POGZ: variants seen among roughly 807,000 people sequenced by gnomAD.
POGZ encodes the protein pogo transposable element with ZNF domain.
Under a neutral mutation model 134.6 loss-of-function variants are expected in POGZ, and 17 were observed. The ratio of observed to expected loss-of-function variants is 0.13; its 90% confidence interval spans 0.09 to 0.19. The LOEUF is 0.19. Ranked by LOEUF, POGZ falls within the 10% of genes least tolerant of loss-of-function variation. The pLI, the probability that POGZ is intolerant of heterozygous loss-of-function variation, is 1.00. For synonymous variants in POGZ, 693 were observed against 657.1 expected, an observed-to-expected ratio of 1.05 and a Z score of -0.84; for missense variants, 1,306 against 1,769.7, an observed-to-expected ratio of 0.74 and a Z score of 4.70.
rs548226228 is a variant in POGZ, at chr1:151,406,914, G to A, written c.2542C>T (p.Arg848Trp). The change falls in exon 17 of 19, where the codon CGG (arginine) becomes TGG (tryptophan). Residue 848 changes from arginine to tryptophan, a missense_variant. Physicochemically the swap from Arg to Trp is moderately radical, Grantham distance 101. Transcript: ENST00000271715. ...AATCCCCTTCTCTCCTACTTACCCCGTGGCAGGATGCTGCTGGATCTGTGA... is the reference window on the plus strand; with the variant it reads ...AATCCCCTTCTCTCCTACTTACCCCATGGCAGGATGCTGCTGGATCTGTGA... Reference protein sequence around the residue: ...PSHRSSSILPRGLTWIAHSRH... With the variant: ...PSHRSSSILPWGLTWIAHSRH... 2.0e-5 allele frequency: 32 copies of A among 1,609,926 alleles called. No homozygotes were observed. Among genetic ancestry groups the A allele is most frequent in the African/African-American group, 1.2e-4 (9 of 74,896 alleles).
chr1:151,455,905 T>TC (rs1436147238), intron 1 of POGZ, among the ~76,000 whole-genome samples: 4 of 150,406 alleles, frequency 2.7e-5, no homozygotes, highest in African/African-American at 9.8e-5. Context: ...TTTTTTTTTT[T>TC]TTTTTTTTTT....
intron 1 of POGZ, among the ~76,000 whole-genome samples, chr1:151,455,441 A>C (rs1007594158): frequency 2.0e-5 from 3 of 152,330 alleles, no homozygotes; most frequent in Admixed American, 2.0e-4. Context: ...CAAGGGAGTT[A>C]GATTTGAATG....
intron 3 of POGZ, among the ~76,000 whole-genome samples, chr1:151,433,427 G>A (rs1340113038): frequency 1.3e-5 from 2 of 151,796 alleles, no homozygotes; most frequent in African/African-American, 4.8e-5. Flanking sequence ...GACCAACACG[G>A]AGAAATCCCG....
rs1654041260 is a variant in POGZ, at chr1:151,408,313, A to G, written c.2235-73T>C. 2.5e-6 allele frequency: 4 copies of G among 1,579,334 alleles called. No homozygotes were observed. The African/African-American group carries it at 4.1e-5, about 16-fold the overall frequency. On this transcript the variant is annotated intron_variant, in intron 14 of 18. Transcript: ENST00000271715. ...CCAAAATGTAGGATTTTCAGACAAC[A>G]AACCCTGCTAAAAAGCTACCAGATT...
chr1:151,418,670 AG>A (rs1409129564), intron 10 of POGZ, among the ~76,000 whole-genome samples: 2 of 152,216 alleles, frequency 1.3e-5, no homozygotes, highest in African/African-American at 4.8e-5. Context: ...AATGTATATT[AG>A]ATTATCACAT....
chr1:151,404,544 A>G lies in POGZ; in HGVS notation c.*258T>C, dbSNP rs913107874. 21 of 1,155,850 alleles carry G rather than the reference A, an allele frequency of 1.8e-5. No homozygotes were observed. Among genetic ancestry groups the G allele is most frequent in the Non-Finnish European group, 2.2e-5 (21 of 939,232 alleles). The allele number at this position is 1,155,850 out of a possible 1,614,324, so 71.6% of individuals were successfully genotyped here. On this transcript the variant is annotated 3_prime_UTR_variant, in exon 19 of 19. Transcript: ENST00000271715. ...AGTGATTTAAATTTAAAAAAAAAAAAAGTCACAAAAACCTGTTTTTAGCAG... is the reference window on the plus strand; with the variant it reads ...AGTGATTTAAATTTAAAAAAAAAAAGAGTCACAAAAACCTGTTTTTAGCAG...
At chr1:151,426,301 C>G (rs1208774909) in intron 7 of POGZ, 1 of 151,700 alleles carries the variant, frequency 6.6e-6, no homozygotes, top group Non-Finnish European at 1.5e-5. Context: ...ATTCTTGTGT[C>G]TCAGCCTCCC....
At chr1:151,427,366 C>G (rs1428677635) in intron 7 of POGZ, 1 of 164,028 alleles carries the variant, frequency 6.1e-6, no homozygotes. Context: ...CACAACAGCA[C>G]AGTTAATAGC....
At position 151,403,462 on chromosome 1, in the gene POGZ, T is replaced by C; in HGVS notation, c.*1340A>G. On this transcript the variant is annotated 3_prime_UTR_variant, in exon 19 of 19. Transcript: ENST00000271715. ...TCCTTGGCTCACAGGAGGGGAACATTGTGGAAAGCCTCAGGATAAACAGAA... is the reference window on the plus strand; with the variant it reads ...TCCTTGGCTCACAGGAGGGGAACATCGTGGAAAGCCTCAGGATAAACAGAA... 1 of 985,782 alleles carries C rather than the reference T, an allele frequency of 1.0e-6. No individual in the cohort carries two copies. Among genetic ancestry groups the C allele is most frequent in the East Asian group, 1.1e-4 (1 of 8,832 alleles). The allele number at this position is 985,782 out of a possible 1,614,324, so 61.1% of individuals were successfully genotyped here.
intron 12 of POGZ, among the ~76,000 whole-genome samples, chr1:151,409,448 C>A (rs1223659470): frequency 6.6e-6 from 1 of 152,064 alleles, no homozygotes. Flanking sequence ...GTTCATAGCT[C>A]ACTGCACGTC....
At chr1:151,422,858 T>A (rs1027654795) in intron 10 of POGZ, among the ~76,000 whole-genome samples, 1 of 152,136 alleles carries the variant, frequency 6.6e-6, no homozygotes, top group South Asian at 2.1e-4. Context: ...TCCCAAAGTG[T>A]TGGGATTACA....
chr1:151,450,589 G>C (rs1235478301), intron 1 of POGZ, among the ~76,000 whole-genome samples: 1 of 152,092 alleles, frequency 6.6e-6, no homozygotes, highest in Non-Finnish European at 1.5e-5. Flanking sequence ...CAGGACTCAA[G>C]TGATCTGCTT....
rs763802325 is a variant in POGZ at position 151,405,055 on chromosome 1, C to G, written c.3980G>C (p.Ser1327Thr). 6.2e-7 allele frequency: 1 copy of G among 1,614,198 alleles called. No homozygotes were observed. ...ELVQRSFLVA[S>T]VLPGPDGNIN... ...GTTGCCATCGGGGCCAGGCAGAACA[C>G]TAGCCACCAGGAAGGAGCGCTGAAC... Residue 1327 changes from serine (S) to threonine (T), a missense_variant, in exon 19 of 19, where the codon AGT becomes ACT. Ser to Thr is a moderately conservative substitution (Grantham distance 58, BLOSUM62 1). This residue lies in a region of POGZ where 107 missense variants were observed against 97.9 expected (regional missense o/e 1.09). Transcript: ENST00000271715. This position sits in a 1 kb window ranked among gnomAD's most constrained non-coding sequence, Gnocchi z 4.9.
rs149910946 is a variant in POGZ at position 151,443,437 on chromosome 1, C to T, written c.-1-1232G>A. On this transcript the variant is annotated intron_variant, in intron 1 of 18. Coordinates refer to ENST00000271715, the MANE Select transcript of POGZ (RefSeq NM_015100.4). ...AGTCTGAGCCGGGTGCAGTGGCTCA[C>T]GCCTGTAATCCCAGCACTTTGGGAG... Among the ~76,000 whole-genome samples the T allele has an allele frequency of 5.1e-3, 777 of 152,310 alleles. 5 individuals carry two copies. The highest frequency in any genetic ancestry group is 6.0e-3 in the Non-Finnish European group (408 of 68,020).
chr1:151,441,802 A>G (rs1178833727), intron 2 of POGZ, among the ~76,000 whole-genome samples: 1 of 152,248 alleles, frequency 6.6e-6, no homozygotes, highest in African/African-American at 2.4e-5. Context: ...ATTCTTGTTC[A>G]TACATCTTTT....
intron 7 of POGZ, 87 bp downstream of exon 7, chr1:151,427,730 TTTTCTA>T (rs1658008642): frequency 1.2e-6 from 1 of 841,278 alleles, no homozygotes; most frequent in South Asian, 1.6e-5. Context: ...TTTATTTTAT[TTTTCTA>T]TTTCTGAGTA....
At position 151,403,840 on chromosome 1, in the gene POGZ, G is replaced by C. The variant is rs1216556120; in HGVS notation, c.*962C>G. On this transcript the variant is annotated 3_prime_UTR_variant, in exon 19 of 19. Coordinates refer to ENST00000271715, the MANE Select transcript of POGZ (RefSeq NM_015100.4). ...CATGCTCTCCATCTAACAGGATGAA[G>C]TTCAGTAAAGCAGGGACTGCCCCTG... is the stretch of plus-strand genomic sequence containing the variant. The C allele has an allele frequency of 8.1e-6, 8 of 985,378 alleles. No homozygotes were observed. Among genetic ancestry groups the C allele is most frequent in the Non-Finnish European group, 9.6e-6 (8 of 829,938 alleles). 61.0% of individuals were successfully genotyped at this position (985,378 alleles called of 1,614,324 possible).
intron 1 of POGZ, among the ~76,000 whole-genome samples, chr1:151,452,670 C>T (rs1662272503): frequency 6.6e-6 from 1 of 151,984 alleles, no homozygotes; most frequent in Non-Finnish European, 1.5e-5. Flanking sequence ...TCGAGACCAG[C>T]CTGGCCAACA....
At chr1:151,421,882 A>G (rs1437264753) in intron 10 of POGZ, among the ~76,000 whole-genome samples, 2 of 152,122 alleles carry the variant, frequency 1.3e-5, no homozygotes, top group African/African-American at 4.8e-5. Context: ...CTTCCTGAGT[A>G]GTTGGGATTA....
Sources: gnomAD v4.1 joint callset for allele counts (sites outside exome capture counted in the v4.1 genomes callset) on GRCh38, gnomAD v4.1.1 for gene constraint, gnomAD v4.1.1 regional missense constraint, Gnocchi (gnomAD v3.1) non-coding constraint, MANE v1.5 for transcripts, NCBI Gene and HGNC (gene_info 2026-07-23, HGNC 2026-07-21) for gene names.